Variants in STS observed in about 807,000 individuals in gnomAD.
STS encodes steroid sulfatase, also known as steryl-sulfatase.
STS carries 7 observed loss-of-function variants against 26.8 expected under a neutral mutation model. The ratio of observed to expected loss-of-function variants is 0.26; its 90% CI spans 0.15 to 0.49. The LOEUF is 0.49. Ranked by LOEUF, STS falls within the 20% of genes least tolerant of loss-of-function variation. The probability of loss-of-function intolerance (pLI) is 0.98; values close to 1 mark genes in which losing one functional copy is unlikely to be tolerated. For synonymous variants in STS, 199 were observed against 189.4 expected (o/e 1.05, Z -0.42); for missense variants, 434 against 465.6 (o/e 0.93, Z 0.63).
rs190675120 is a variant in STS at position 7,171,998 on chromosome X, G to A, written c.-133-18882G>A. On this transcript the variant is annotated intron_variant, in intron 1 of 10. Coordinates refer to ENST00000674429, the MANE Select transcript of STS (RefSeq NM_001320752.2). ...TTTTTATTAAATTACCAAGTTGCGCGATCATCACCATAAATGAGTTTGGGA... is the reference window on the plus strand; with the variant it reads ...TTTTTATTAAATTACCAAGTTGCGCAATCATCACCATAAATGAGTTTGGGA... Among the ~76,000 whole-genome samples the A allele has an allele frequency of 1.1e-4, 12 of 111,819 alleles. No individual in the cohort carries two copies. The East Asian group carries it at 2.2e-3, about 21-fold the overall frequency.
chrX:7,184,667 AC>A (rs1222208106), intron 1 of STS, among the ~76,000 whole-genome samples: 10 of 112,050 alleles, frequency 8.9e-5, no homozygotes, highest in Non-Finnish European at 1.9e-4. Flanking sequence ...GAATTCAGTT[AC>A]GCATATTTTA....
intron 5 of STS, 125 bp from the exon 6 acceptor site, chrX:7,259,224 G>A (rs1923597934): frequency 1.4e-6 from 1 of 720,519 alleles, no homozygotes; most frequent in Non-Finnish European, 2.2e-6. Flanking sequence ...AGGGTCCTAT[G>A]AGCGGGAAGG....
chrX:7,308,809 C>T lies in STS; in HGVS notation c.1081+3626C>T, dbSNP rs570814442. ...TGCCCTAAAAGGAAGATGGGGTTTC[C>T]TTCTAGTTATGGGAAGTAGGCTTCT... On this transcript the variant is annotated intron_variant, in intron 8 of 10. Coordinates refer to ENST00000674429, the MANE Select transcript of STS (RefSeq NM_001320752.2). Among the ~76,000 whole-genome samples the T allele has an allele frequency of 1.3e-4, 15 of 111,483 alleles. No homozygotes were observed. The South Asian group carries it at 5.7e-3, about 42-fold the overall frequency.
At chrX:7,191,099 T>G in intron 2 of STS, 91 bp downstream of exon 2, 367 of 450,110 alleles carry the variant, frequency 8.2e-4, no homozygotes, top group South Asian at 1.5e-3. Flanking sequence ...CAAATAGTGG[T>G]ATGCAGTGAT....
chrX:7,273,062 A>G (rs1203558902), intron 6 of STS, among the ~76,000 whole-genome samples: 1 of 111,364 alleles, frequency 9.0e-6, no homozygotes. Flanking sequence ...AGACAAGACA[A>G]TTGCTTGAAC....
intron 1 of STS, among the ~76,000 whole-genome samples, chrX:7,177,997 G>T (rs1933607162): frequency 9.1e-6 from 1 of 109,558 alleles, no homozygotes; most frequent in African/African-American, 3.3e-5. Context: ...TCGCTATGTT[G>T]GCTAGGCTGG....
chrX:7,186,087 T>C (rs761347595), intron 1 of STS, among the ~76,000 whole-genome samples: 2 of 112,568 alleles, frequency 1.8e-5, no homozygotes, highest in Admixed American at 1.9e-4. Context: ...CAATTCTCCT[T>C]AGTGCTAAGC....
At chrX:7,154,982 T>G (rs59069919) in intron 1 of STS, among the ~76,000 whole-genome samples, 111 of 112,289 alleles carry the variant, frequency 9.9e-4, no homozygotes, top group Middle Eastern at 4.6e-3. Context: ...TGCACCCAAC[T>G]CCTGTGCTGC....
At chrX:7,325,205 G>C in intron 8 of STS, 134 bp from the exon 9 acceptor site, 1 of 648,231 alleles carries the variant, frequency 1.5e-6, no homozygotes, top group Non-Finnish European at 2.5e-6. Flanking sequence ...ATTGCTCATG[G>C]AATACTCATA....
chrX:7,241,415 C>T (rs1265124872), intron 2 of STS, among the ~76,000 whole-genome samples: 1 of 111,444 alleles, frequency 9.0e-6, no homozygotes, highest in African/African-American at 3.3e-5. Flanking sequence ...AGCCATTTCC[C>T]TTTGGTCTAC....
chrX:7,267,758 A>G lies in STS; in HGVS notation c.806+7986A>G, dbSNP rs759564162. ...TTTATAGATTTATCTGGAATTTGCC[A>G]TTAGTATAAGGTTCTCCAGGCTGAA... On this transcript the variant is annotated intron_variant, in intron 6 of 10. Transcript: ENST00000674429. Among the ~76,000 whole-genome samples the G allele has an allele frequency of 1.9e-4, 21 of 112,152 alleles. No individual in the cohort carries two copies. The Admixed American group carries it at 1.9e-3, about 10-fold the overall frequency.
chrX:7,176,460 C>T (rs1262927330), intron 1 of STS, among the ~76,000 whole-genome samples: 2 of 111,828 alleles, frequency 1.8e-5, no homozygotes, highest in East Asian at 5.6e-4. Context: ...GCATCCCAAC[C>T]CTTTACACCC....
intron 2 of STS, among the ~76,000 whole-genome samples, chrX:7,249,393 G>C (rs1372254287): frequency 9.0e-6 from 1 of 111,663 alleles, no homozygotes; most frequent in African/African-American, 3.3e-5. Flanking sequence ...GGCTTTAGCA[G>C]TGTTAAACCC....
At chrX:7,194,518 T>C (rs943376581) in intron 2 of STS, among the ~76,000 whole-genome samples, 4 of 111,074 alleles carry the variant, frequency 3.6e-5, no homozygotes, top group Non-Finnish European at 5.7e-5. Flanking sequence ...AAGTCTAACC[T>C]TGGGGCCGTT....
rs1342837255 is a variant in STS, at chrX:7,273,760, T to C, written c.807-2191T>C. 2.7e-5 allele frequency among the ~76,000 whole-genome samples: 3 copies of C among 111,559 alleles called. No individual in the cohort carries two copies. The East Asian group carries it at 8.4e-4, about 31-fold the overall frequency. On this transcript the variant is annotated intron_variant, in intron 6 of 10. Coordinates refer to ENST00000674429, the MANE Select transcript of STS (RefSeq NM_001320752.2). ...CCTATGTGTACACATTAAATGAATT[T>C]GTATGCCCTTTCTCCTATTAAAAAA...
At chrX:7,308,703 G>A (rs746843351) in intron 8 of STS, among the ~76,000 whole-genome samples, 1 of 111,922 alleles carries the variant, frequency 8.9e-6, no homozygotes, top group Non-Finnish European at 1.9e-5. Flanking sequence ...TAATGTCTCA[G>A]CCACCGCTCT....
At chrX:7,310,560 C>T (rs753736627) in intron 8 of STS, among the ~76,000 whole-genome samples, 2 of 111,663 alleles carry the variant, frequency 1.8e-5, no homozygotes, top group Non-Finnish European at 3.8e-5. Flanking sequence ...GAGCAAGTGG[C>T]CCCACCCCTA....
chrX:7,269,306 A>T (rs778093178), intron 6 of STS, among the ~76,000 whole-genome samples: 122 of 98,107 alleles, frequency 1.2e-3, no homozygotes, highest in Non-Finnish European at 2.3e-3. Context: ...GGCATAGATA[A>T]AGAATACTTA....
intron 7 of STS, among the ~76,000 whole-genome samples, chrX:7,303,007 G>A (rs941905679): frequency 1.8e-5 from 2 of 111,118 alleles, no homozygotes; most frequent in South Asian, 7.7e-4. Context: ...ATATAATGTG[G>A]CTTTCTGAGG....
Sources: gnomAD v4.1 joint callset for allele counts (sites outside exome capture counted in the v4.1 genomes callset) on GRCh38, gnomAD v4.1.1 for gene constraint, MANE v1.5 for transcripts, NCBI Gene and HGNC (gene_info 2026-07-23, HGNC 2026-07-21) for gene names.